Variants in LRBA observed in about 807,000 individuals in gnomAD.
The protein encoded by LRBA is lipopolysaccharide-responsive and beige-like anchor protein.
A neutral mutation model predicts 330.0 loss-of-function variants in LRBA; 176 were observed. The ratio of observed to expected loss-of-function variants is 0.53; its 90% CI spans 0.47 to 0.60. The LOEUF (loss-of-function observed/expected upper bound fraction) is 0.60, where lower values mean the gene tolerates loss of function less well. Ranked by LOEUF, LRBA falls within the 20% of genes least tolerant of loss-of-function variation. The probability of loss-of-function intolerance (pLI) is 0.00; values close to 1 mark genes in which losing one functional copy is unlikely to be tolerated. For synonymous variants in LRBA, 1,230 were observed against 1,193.0 expected (o/e 1.03, Z -0.64); for missense variants, 3,259 against 3,444.8 (o/e 0.95, Z 1.35).
At chr4:150,697,097 C>T (rs1483135113) in intron 36 of LRBA, among the ~76,000 whole-genome samples, 2 of 150,014 alleles carry the variant, frequency 1.3e-5, no homozygotes, top group African/African-American at 4.9e-5. Flanking sequence ...GAGGCCAAGG[C>T]GGGTGGATCA....
intron 37 of LRBA, among the ~76,000 whole-genome samples, chr4:150,652,170 A>G (rs1219904738): frequency 3.9e-5 from 6 of 152,054 alleles, no homozygotes; most frequent in African/African-American, 1.2e-4. Flanking sequence ...AAGTTAGGGG[A>G]AAATACCTTA....
chr4:150,903,261 T>G (rs1730958171), intron 13 of LRBA, among the ~76,000 whole-genome samples: 1 of 152,050 alleles, frequency 6.6e-6, no homozygotes, highest in Non-Finnish European at 1.5e-5. Context: ...GGCGCACACC[T>G]GCAGTATCAG....
chr4:150,489,263 A>ATATATTATATATATAC (rs1561250364), intron 41 of LRBA, among the ~76,000 whole-genome samples: 1 of 71,644 alleles, frequency 1.4e-5, no homozygotes, highest in Admixed American at 2.4e-4. Flanking sequence ...ATTATATATA[A>ATATATTATATATATAC]GAATATATAA....
At chr4:150,624,411 C>A (rs1776642883) in intron 37 of LRBA, among the ~76,000 whole-genome samples, 1 of 151,824 alleles carries the variant, frequency 6.6e-6, no homozygotes, top group South Asian at 2.1e-4. Flanking sequence ...CAAACACAAA[C>A]ACTATTCCCT....
At chr4:150,269,832 C>G (rs1020327158) in intron 56 of LRBA, among the ~76,000 whole-genome samples, 2 of 152,066 alleles carry the variant, frequency 1.3e-5, no homozygotes, top group African/African-American at 4.8e-5. Context: ...GGAGTACCAG[C>G]TACCATGTAG....
rs75963723 is a variant in LRBA at position 150,711,150 on chromosome 4, G to C, written c.5754+24108C>G. On this transcript the variant is annotated intron_variant, in intron 36 of 56. Coordinates refer to ENST00000651943, the MANE Select transcript of LRBA (RefSeq NM_001364905.1). ...GAGGGCAGTGATATTTGTATGCACAGAGAGACCCTTTTGTGGTTAAAAATC... is the reference window on the plus strand; with the variant it reads ...GAGGGCAGTGATATTTGTATGCACACAGAGACCCTTTTGTGGTTAAAAATC... Among the ~76,000 whole-genome samples, 1,147 of 152,064 alleles carry C rather than the reference G, an allele frequency of 7.5e-3. 8 individuals are homozygous for C. Among genetic ancestry groups the C allele is most frequent in the South Asian group, 0.016 (79 of 4,816 alleles).
chr4:150,886,662 CAG>C (rs1331705908), intron 17 of LRBA, among the ~76,000 whole-genome samples: 1 of 152,154 alleles, frequency 6.6e-6, no homozygotes, highest in Non-Finnish European at 1.5e-5. Flanking sequence ...ACATCATGCA[CAG>C]AGAAGAGGTG....
intron 53 of LRBA, among the ~76,000 whole-genome samples, chr4:150,296,692 T>C (rs182423220): frequency 1.1e-4 from 16 of 152,292 alleles, no homozygotes; most frequent in Admixed American, 1.0e-3. Flanking sequence ...GATTTAAATA[T>C]TGAATTTCAT....
intron 14 of LRBA, among the ~76,000 whole-genome samples, chr4:150,898,723 C>T (rs1461761257): frequency 6.6e-6 from 1 of 152,026 alleles, no homozygotes; most frequent in Non-Finnish European, 1.5e-5. Context: ...ATGAGACTTT[C>T]CCAAGGTCAC....
At chr4:150,476,529 C>T (rs914066164) in intron 42 of LRBA, among the ~76,000 whole-genome samples, 5 of 152,284 alleles carry the variant, frequency 3.3e-5, no homozygotes, top group Middle Eastern at 3.4e-3. Context: ...AAGCCCCCTA[C>T]ACCACCACCA....
At chr4:150,586,706 T>A (rs1772158845) in intron 40 of LRBA, among the ~76,000 whole-genome samples, 1 of 152,124 alleles carries the variant, frequency 6.6e-6, no homozygotes, top group Admixed American at 6.5e-5. Context: ...AAGGAGCAAA[T>A]AACTTCAAAG....
intron 2 of LRBA, among the ~76,000 whole-genome samples, chr4:150,983,052 C>T (rs1741031111): frequency 6.6e-6 from 1 of 151,998 alleles, no homozygotes; most frequent in Non-Finnish European, 1.5e-5. Context: ...TGTACTCCAG[C>T]CTGGGCAACA....
chr4:151,010,772 T>G (rs1744736656), intron 2 of LRBA, among the ~76,000 whole-genome samples: 3 of 151,486 alleles, frequency 2.0e-5, no homozygotes, highest in Admixed American at 2.0e-4. Context: ...TAGATCCAGC[T>G]ACTGGGGAGG....
At chr4:150,807,063 C>T (rs1742906168) in intron 32 of LRBA, among the ~76,000 whole-genome samples, 1 of 149,834 alleles carries the variant, frequency 6.7e-6, no homozygotes, top group Non-Finnish European at 1.5e-5. Flanking sequence ...ATTATATATA[C>T]ATGTATTCAT....
chr4:150,321,012 T>C lies in LRBA; in HGVS notation c.7630+179A>G, dbSNP rs1481847174. Among the ~76,000 whole-genome samples, 2 of 152,184 alleles carry C rather than the reference T, an allele frequency of 1.3e-5. No homozygotes were observed. Among genetic ancestry groups the C allele is most frequent in the Non-Finnish European group, 2.9e-5 (2 of 68,032 alleles). ...GAAGCTAAAAAGTAGTTTATGTTTT[T>C]AACATTTGTACTATATGCCTCACGT... is the stretch of plus-strand genomic sequence containing the variant. On this transcript the variant is annotated intron_variant, in intron 50 of 56. Transcript: ENST00000651943. The surrounding 1 kb of genome is among the most constrained non-coding windows in gnomAD (Gnocchi z 4.5).
chr4:150,384,129 C>A (rs1184111629), intron 47 of LRBA, among the ~76,000 whole-genome samples: 1 of 152,026 alleles, frequency 6.6e-6, no homozygotes, highest in Non-Finnish European at 1.5e-5. Flanking sequence ...ACCTCCATCT[C>A]CCGGGTTCAA....
intron 44 of LRBA, among the ~76,000 whole-genome samples, chr4:150,451,097 C>A (rs1473238790): frequency 6.6e-6 from 1 of 152,076 alleles, no homozygotes; most frequent in Non-Finnish European, 1.5e-5. Flanking sequence ...AAAATATAGA[C>A]AAATCTAACT....
At chr4:150,266,382 G>A (rs368171487) in intron 56 of LRBA, among the ~76,000 whole-genome samples, 10 of 152,182 alleles carry the variant, frequency 6.6e-5, no homozygotes, top group African/African-American at 1.9e-4. Flanking sequence ...CCTAGTCCTC[G>A]TAACACAGTA....
At chr4:150,922,501 G>C (rs555940025) in intron 4 of LRBA, among the ~76,000 whole-genome samples, 2 of 151,796 alleles carry the variant, frequency 1.3e-5, no homozygotes, top group South Asian at 4.2e-4. Context: ...ATTATTCTAA[G>C]TGAAGTAACT....
Sources: gnomAD v4.1 joint callset for allele counts (sites outside exome capture counted in the v4.1 genomes callset) on GRCh38, gnomAD v4.1.1 for gene constraint, Gnocchi (gnomAD v3.1) non-coding constraint, MANE v1.5 for transcripts, NCBI Gene and HGNC (gene_info 2026-07-23, HGNC 2026-07-21) for gene names.